Variants in PDGFC observed in about 807,000 individuals in gnomAD.
PDGFC encodes platelet derived growth factor C.
PDGFC carries 12 observed loss-of-function variants against 35.5 expected under a neutral mutation model. The observed-to-expected ratio is 0.34, with a 90% CI of 0.22 to 0.55. The LOEUF (loss-of-function observed/expected upper bound fraction) is 0.55. Among genes scored for constraint, PDGFC ranks in the 20% least tolerant of loss-of-function variants. The probability of loss-of-function intolerance (pLI) is 0.91; values close to 1 mark genes in which losing one functional copy is unlikely to be tolerated. For synonymous variants in PDGFC, 159 were observed against 148.8 expected (o/e 1.07, Z -0.50); for missense variants, 322 against 412.4 (o/e 0.78, Z 1.90).
intron 2 of PDGFC, among the ~76,000 whole-genome samples, chr4:156,820,893 G>A (rs1452657729): frequency 6.6e-6 from 1 of 152,180 alleles, no homozygotes; most frequent in Non-Finnish European, 1.5e-5. Flanking sequence ...TCTCATTAAA[G>A]TTAGAACAAG....
chr4:156,906,588 G>A (rs1579091335), intron 1 of PDGFC, among the ~76,000 whole-genome samples: 1 of 151,932 alleles, frequency 6.6e-6, no homozygotes, highest in African/African-American at 2.4e-5. Context: ...TAGCTTAGGG[G>A]GACAGTTTTA....
At chr4:156,914,699 A>G (rs1484220977) in intron 1 of PDGFC, among the ~76,000 whole-genome samples, 3 of 152,194 alleles carry the variant, frequency 2.0e-5, no homozygotes, top group Non-Finnish European at 2.9e-5. Context: ...CATCCTTTAC[A>G]TGACCCAGGG....
chr4:156,877,895 C>T (rs751897622), intron 1 of PDGFC, among the ~76,000 whole-genome samples: 2 of 152,060 alleles, frequency 1.3e-5, no homozygotes, highest in Non-Finnish European at 2.9e-5. Context: ...CCTGATCTAC[C>T]CTGCTAGGAT....
At chr4:156,844,260 T>C (rs374013680) in intron 2 of PDGFC, among the ~76,000 whole-genome samples, 1 of 152,168 alleles carries the variant, frequency 6.6e-6, no homozygotes, top group Non-Finnish European at 1.5e-5. Context: ...AGGGCAAACA[T>C]TGATTGGCTT....
At chr4:156,905,825 A>G (rs1256135611) in intron 1 of PDGFC, among the ~76,000 whole-genome samples, 1 of 152,088 alleles carries the variant, frequency 6.6e-6, no homozygotes, top group East Asian at 1.9e-4. Flanking sequence ...ATCTACACGC[A>G]AGACCTACAT....
chr4:156,961,022 A>G (rs1256561354), intron 1 of PDGFC, among the ~76,000 whole-genome samples: 2 of 152,142 alleles, frequency 1.3e-5, no homozygotes, highest in Non-Finnish European at 2.9e-5. Context: ...AATTTCCAGT[A>G]GGAGAAATGA....
At position 156,832,858 on chromosome 4, in the gene PDGFC, C is replaced by A. The variant is rs191592379; in HGVS notation, c.314+17363G>T. On this transcript the variant is annotated intron_variant, in intron 2 of 5. Coordinates refer to ENST00000502773, the MANE Select transcript of PDGFC (RefSeq NM_016205.3). Reference sequence around the variant, plus strand: ...GCGGATTTGGGTGTATGTGGGCAGTCCTGCAACCAATCCTCTGACTGGCTG... The same window carrying A: ...GCGGATTTGGGTGTATGTGGGCAGTACTGCAACCAATCCTCTGACTGGCTG... Among the ~76,000 whole-genome samples the A allele has an allele frequency of 5.9e-5, 9 of 152,288 alleles. No homozygotes were observed. The East Asian group carries it at 1.7e-3, about 29-fold the overall frequency.
intron 3 of PDGFC, among the ~76,000 whole-genome samples, chr4:156,773,887 T>C (rs1730751229): frequency 6.6e-6 from 1 of 152,332 alleles, no homozygotes; most frequent in Admixed American, 6.5e-5. Flanking sequence ...CTGGAAGCAA[T>C]CTAAATGCCC....
At chr4:156,785,544 C>T (rs900973641) in intron 3 of PDGFC, among the ~76,000 whole-genome samples, 1 of 152,022 alleles carries the variant, frequency 6.6e-6, no homozygotes, top group African/African-American at 2.4e-5. Context: ...AAAGTAGATC[C>T]ATCAGTTCTC....
At chr4:156,839,451 TCCC>T (rs1729146003) in intron 2 of PDGFC, among the ~76,000 whole-genome samples, 1 of 152,176 alleles carries the variant, frequency 6.6e-6, no homozygotes, top group Admixed American at 6.5e-5. Context: ...TCCTGAGTCC[TCCC>T]CAGCCCTGCT....
intron 1 of PDGFC, among the ~76,000 whole-genome samples, chr4:156,930,805 G>A (rs548486873): frequency 6.6e-6 from 1 of 152,222 alleles, no homozygotes; most frequent in African/African-American, 2.4e-5. Context: ...AAGGCCGGAG[G>A]TTGCAGTGAG....
Position 156,970,379 on chromosome 4 carries a change from T to C in PDGFC, c.118+407A>G, listed in dbSNP as rs779905074. Among the ~76,000 whole-genome samples, 30 of 152,186 alleles carry C rather than the reference T, an allele frequency of 2.0e-4. 1 individual carries two copies. The highest frequency in any genetic ancestry group is 4.0e-4 in the Non-Finnish European group (27 of 68,044). ...AGAGTGCTTCAATTAATGCGGCTGA[T>C]ATATTTCCTGACCGACCCCCCTCGC... On this transcript the variant is annotated intron_variant, in intron 1 of 5. Coordinates refer to ENST00000502773, the MANE Select transcript of PDGFC (RefSeq NM_016205.3).
chr4:156,808,203 C>A (rs1426935418), intron 3 of PDGFC, among the ~76,000 whole-genome samples: 1 of 152,022 alleles, frequency 6.6e-6, no homozygotes, highest in Non-Finnish European at 1.5e-5. Flanking sequence ...TTTTGGACAA[C>A]TCTAAGATGA....
At chr4:156,912,624 C>T (rs1731065072) in intron 1 of PDGFC, among the ~76,000 whole-genome samples, 1 of 152,052 alleles carries the variant, frequency 6.6e-6, no homozygotes, top group Admixed American at 6.6e-5. Flanking sequence ...TCTAGAAGTC[C>T]ACTATGAATT....
At position 156,861,476 on chromosome 4, in the gene PDGFC, G is replaced by A. The variant is rs181155041; in HGVS notation, c.119-11060C>T. The A allele has an allele frequency of 5.6e-6, 7 of 1,256,038 alleles. No homozygotes were observed. In the Admixed American group the frequency reaches 1.6e-4, roughly 29 times the overall value. 77.8% of individuals were successfully genotyped at this position (1,256,038 alleles called of 1,614,324 possible). A position where few individuals can be genotyped will look rare whatever the true frequency, so the allele number is the denominator to read the frequency against. On this transcript the variant is annotated intron_variant, in intron 1 of 5. Coordinates refer to ENST00000502773, the MANE Select transcript of PDGFC (RefSeq NM_016205.3). ...TTTTCTATGCCAGTCCAGATGCTTG[G>A]ATATAGTTCCTACCTGCCAGTAGAT...
chr4:156,959,187 C>G (rs933994725), intron 1 of PDGFC, among the ~76,000 whole-genome samples: 1 of 151,898 alleles, frequency 6.6e-6, no homozygotes, highest in Non-Finnish European at 1.5e-5. Context: ...TGCAATTGCC[C>G]AGAATTTTAG....
At chr4:156,785,243 G>A (rs1205591689) in intron 3 of PDGFC, among the ~76,000 whole-genome samples, 2 of 152,084 alleles carry the variant, frequency 1.3e-5, no homozygotes, top group Non-Finnish European at 2.9e-5. Context: ...CATTCAGGCT[G>A]GTGTGTGGAG....
chr4:156,825,627 A>AAGAAGAAGAAGG (rs1732444251), intron 2 of PDGFC, among the ~76,000 whole-genome samples: 1 of 145,166 alleles, frequency 6.9e-6, no homozygotes, highest in Non-Finnish European at 1.5e-5. Flanking sequence ...GAAGAAGAAG[A>AAGAAGAAGAAGG]AGAAGAAGAA....
intron 2 of PDGFC, among the ~76,000 whole-genome samples, chr4:156,818,692 C>T (rs1291305533): frequency 3.3e-5 from 5 of 151,822 alleles, no homozygotes; most frequent in South Asian, 4.2e-4. Flanking sequence ...TTAATAGAGA[C>T]GGGGTTTCAC....
Sources: gnomAD v4.1 joint callset for allele counts (sites outside exome capture counted in the v4.1 genomes callset) on GRCh38, gnomAD v4.1.1 for gene constraint, MANE v1.5 for transcripts, NCBI Gene and HGNC (gene_info 2026-07-23, HGNC 2026-07-21) for gene names.